ROBO2: variants seen among roughly 807,000 people sequenced by gnomAD.
ROBO2 encodes roundabout guidance receptor 2.
In ROBO2, 53 loss-of-function variants were observed where a neutral mutation model predicts 160.8. That is an observed-to-expected ratio of 0.33 (90% confidence interval 0.26 to 0.41). The LOEUF is 0.41. ROBO2 is among the 10% of genes least tolerant of loss of function. The pLI, the probability that ROBO2 is intolerant of heterozygous loss-of-function variation, is 1.00. For missense variants in ROBO2, 1,577 were observed against 1,722.4 expected, an observed-to-expected ratio of 0.92 and a Z score of 1.49; for synonymous variants, 664 against 611.7, an observed-to-expected ratio of 1.09 and a Z score of -1.26.
intron 2 of ROBO2, among the ~76,000 whole-genome samples, chr3:77,425,304 A>T: frequency 6.6e-6 from 1 of 152,306 alleles, no homozygotes; most frequent in Middle Eastern, 3.4e-3. Context: ...AATTGCTGGA[A>T]GTATGTTAAG....
intron 2 of ROBO2, among the ~76,000 whole-genome samples, chr3:76,321,944 A>G (rs2072563446): frequency 1.3e-5 from 2 of 151,836 alleles, no homozygotes; most frequent in African/African-American, 2.4e-5. Context: ...AAACAAAAGC[A>G]ATCACACAGA....
At chr3:76,357,775 T>G (rs575368512) in intron 2 of ROBO2, among the ~76,000 whole-genome samples, 1 of 151,906 alleles carries the variant, frequency 6.6e-6, no homozygotes, top group Non-Finnish European at 1.5e-5. Context: ...CACAATTAAT[T>G]TTATTTGTAA....
chr3:76,633,894 C>T (rs1338937608), intron 2 of ROBO2, among the ~76,000 whole-genome samples: 1 of 152,194 alleles, frequency 6.6e-6, no homozygotes, highest in African/African-American at 2.4e-5. Flanking sequence ...ACTGATAACC[C>T]CAACAAGCGT....
intron 2 of ROBO2, among the ~76,000 whole-genome samples, chr3:76,087,257 A>G (rs1010358796): frequency 2.0e-5 from 3 of 152,078 alleles, no homozygotes; most frequent in Non-Finnish European, 4.4e-5. Context: ...GAAAAAATCT[A>G]AAAAGATGCC....
At chr3:76,298,111 C>T (rs544788056) in intron 2 of ROBO2, among the ~76,000 whole-genome samples, 25 of 152,060 alleles carry the variant, frequency 1.6e-4, no homozygotes, top group African/African-American at 6.0e-4. Flanking sequence ...CAGCCTTTTT[C>T]GAAACATGCC....
Position 77,289,651 on chromosome 3 carries a change from A to C in ROBO2, c.389-187763A>C, listed in dbSNP as rs58747680. On this transcript the variant is annotated intron_variant, in intron 2 of 25. Transcript: ENST00000461745. Reference sequence around the variant, plus strand: ...GCTGAGGCTAGATCACCAAAGACATAAAGTAAAATTAATGGTTAAATGGGA... The same window carrying C: ...GCTGAGGCTAGATCACCAAAGACATCAAGTAAAATTAATGGTTAAATGGGA... Among the ~76,000 whole-genome samples, 744 of 151,654 alleles carry C rather than the reference A, an allele frequency of 4.9e-3. 4 individuals are homozygous for C. Among genetic ancestry groups the C allele is most frequent in the African/African-American group, 0.017 (714 of 41,380 alleles).
At chr3:76,446,417 T>C (rs1390206182) in intron 2 of ROBO2, among the ~76,000 whole-genome samples, 2 of 152,154 alleles carry the variant, frequency 1.3e-5, no homozygotes, top group South Asian at 4.1e-4. Flanking sequence ...AAGAACATTC[T>C]GTGCTCATGG....
At chr3:76,803,699 A>G (rs267106) in intron 2 of ROBO2, among the ~76,000 whole-genome samples, 128,703 of 152,072 alleles carry the variant, frequency 0.85, 54,583 homozygotes, top group African/African-American at 0.87. Context: ...TATTTATGCA[A>G]GACCAGGACC....
At chr3:77,102,906 A>T (rs2150114290) in intron 2 of ROBO2, among the ~76,000 whole-genome samples, 1 of 152,232 alleles carries the variant, frequency 6.6e-6, no homozygotes, top group South Asian at 2.1e-4. Flanking sequence ...ACTTGACCTC[A>T]AAAATAATCT....
In ROBO2 at chr3:75,998,823, G is replaced by A. The variant is rs990711589; in HGVS notation, c.109+61221G>A. Among the ~76,000 whole-genome samples the A allele has an allele frequency of 2.0e-5, 3 of 152,162 alleles. No individual in the cohort carries two copies. The South Asian group carries it at 6.2e-4, about 31-fold the overall frequency. On this transcript the variant is annotated intron_variant, in intron 2 of 26. Transcript: ENST00000487694. ...AGGACTGTGATGTCCAATAAGGCAA[G>A]CAATGAATTCTCTCTTAGCCTCATC...
chr3:75,948,893 C>T (rs1948430183), intron 2 of ROBO2, among the ~76,000 whole-genome samples: 1 of 152,048 alleles, frequency 6.6e-6, no homozygotes, highest in African/African-American at 2.4e-5. Context: ...CCAGTGAAGA[C>T]TAATGTCTGG....
intron 2 of ROBO2, among the ~76,000 whole-genome samples, chr3:76,609,853 T>G (rs1228193046): frequency 6.6e-6 from 1 of 152,304 alleles, no homozygotes; most frequent in Admixed American, 6.5e-5. Flanking sequence ...TAGCTGTGGG[T>G]CTGTCACATG....
At chr3:76,592,904 C>G (rs1245819135) in intron 2 of ROBO2, among the ~76,000 whole-genome samples, 1 of 152,040 alleles carries the variant, frequency 6.6e-6, no homozygotes, top group Non-Finnish European at 1.5e-5. Context: ...CACATTCTTA[C>G]TAATTCCCTC....
At chr3:76,535,267 A>T (rs761334542) in intron 2 of ROBO2, among the ~76,000 whole-genome samples, 6 of 151,958 alleles carry the variant, frequency 3.9e-5, no homozygotes, top group Admixed American at 3.9e-4. Flanking sequence ...AGCCTGTGGG[A>T]CTTGTCTGGT....
At chr3:77,034,391 A>G (rs1559873762) in intron 2 of ROBO2, among the ~76,000 whole-genome samples, 2 of 149,148 alleles carry the variant, frequency 1.3e-5, no homozygotes, top group African/African-American at 5.1e-5. Context: ...AAAAAAAAAA[A>G]AAAAGAAAAC....
intron 1 of ROBO2, among the ~76,000 whole-genome samples, chr3:75,931,591 A>G (rs1947540785): frequency 6.6e-6 from 1 of 152,110 alleles, no homozygotes; most frequent in South Asian, 2.1e-4. Context: ...GACTCAAGTG[A>G]TTCATCCGCC....
At chr3:76,039,224 CAA>C (rs2067208504) in intron 2 of ROBO2, among the ~76,000 whole-genome samples, 1 of 151,630 alleles carries the variant, frequency 6.6e-6, no homozygotes, top group African/African-American at 2.4e-5. Flanking sequence ...AAGAAAGAGA[CAA>C]AGAGTAAGGA....
At chr3:76,565,483 GT>G (rs1176700744) in intron 2 of ROBO2, among the ~76,000 whole-genome samples, 9 of 152,256 alleles carry the variant, frequency 5.9e-5, no homozygotes, top group Admixed American at 3.9e-4. Flanking sequence ...GTCAAGTTTA[GT>G]AAAACTGTCT....
At chr3:77,461,073 A>AT (rs2082188931) in intron 2 of ROBO2, among the ~76,000 whole-genome samples, 1 of 152,108 alleles carries the variant, frequency 6.6e-6, no homozygotes, top group Non-Finnish European at 1.5e-5. Flanking sequence ...TCATATGACT[A>AT]TTTTTTATAA....
Sources: allele counts gnomAD v4.1 joint callset (sites outside exome capture counted in the v4.1 genomes callset), GRCh38; gene constraint gnomAD v4.1.1; transcripts MANE v1.5; gene names NCBI Gene and HGNC (gene_info 2026-07-23, HGNC 2026-07-21).